The following ZNF93 variants were observed in gnomAD, a reference collection of about 807,000 sequenced individuals.
ZNF93 encodes zinc finger protein 93.
In ZNF93, 29 loss-of-function variants were observed where a neutral mutation model predicts 45.0. That is an observed-to-expected ratio of 0.64 (90% CI 0.48 to 0.88). The LOEUF is 0.88. ZNF93 is among the 40% of genes least tolerant of loss of function. The probability of loss-of-function intolerance (pLI) is 0.00; values close to 1 mark genes in which losing one functional copy is unlikely to be tolerated. For missense variants in ZNF93, 578 were observed against 724.0 expected (o/e 0.80, Z 2.31); for synonymous variants, 223 against 244.6 (o/e 0.91, Z 0.82).
intron 1 of ZNF93, among the ~76,000 whole-genome samples, chr19:19,907,051 T>C (rs1367550986): frequency 6.6e-6 from 1 of 151,636 alleles, no homozygotes; most frequent in South Asian, 2.1e-4. Flanking sequence ...TTAGATTATA[T>C]ATAGATGTTT....
At position 19,933,293 on chromosome 19, in the gene ZNF93, T is replaced by G; in HGVS notation, c.338T>G (p.Leu113Ter). The G allele has an allele frequency of 6.2e-7, 1 of 1,612,012 alleles. No individual in the cohort carries two copies. Among genetic ancestry groups the G allele is most frequent in the Non-Finnish European group, 8.5e-7 (1 of 1,178,968 alleles). ...YEKRGHGNLQ[L>*]IKRCESVDEC... ...AAACGTGGACATGGAAATTTACAGT[T>G]AATAAAAAGGTGTGAAAGTGTAGAT... is the stretch of plus-strand genomic sequence containing the variant. The change falls in exon 4 of 4, where the codon TTA becomes TGA. Residue 113 changes from leucine to a stop codon, truncating the protein, a stop_gained. Transcript: ENST00000343769. LOFTEE classifies it high-confidence loss of function.
intron 3 of ZNF93, among the ~76,000 whole-genome samples, chr19:19,924,426 C>G (rs537398721): frequency 2.8e-4 from 42 of 152,166 alleles, no homozygotes; most frequent in Admixed American, 9.2e-4. Context: ...TTTTCTGTCA[C>G]ATACTTCTAG....
chr19:19,912,866 C>G (rs1223300872), intron 1 of ZNF93, among the ~76,000 whole-genome samples: 2 of 152,206 alleles, frequency 1.3e-5, no homozygotes, highest in Non-Finnish European at 2.9e-5. Flanking sequence ...CATACTCTAG[C>G]ACATAGTGCC....
intron 1 of ZNF93, among the ~76,000 whole-genome samples, chr19:19,910,811 C>T (rs551271301): frequency 2.0e-5 from 3 of 152,218 alleles, no homozygotes; most frequent in South Asian, 4.1e-4. Flanking sequence ...TGGCCTCTGC[C>T]TGGGATTTAC....
rs1385850118 is a variant in ZNF93 at position 19,933,943 on chromosome 19, A to C, written c.988A>C (p.Thr330Pro). The C allele has an allele frequency of 6.2e-7, 1 of 1,610,354 alleles. No homozygotes were observed. The highest frequency in any genetic ancestry group is 1.4e-5 in the African/African-American group (1 of 73,962). The change falls in exon 4 of 4, where the codon ACA becomes CCA. Residue 330 changes from threonine (T) to proline (P), a missense_variant. Around this residue, in one of 3 missense-constraint regions of ZNF93, gnomAD observed 446 missense variants for 547.6 expected, o/e 0.81. Coordinates refer to ENST00000343769, the MANE Select transcript of ZNF93 (RefSeq NM_031218.4). The stretch of plus-strand genomic sequence containing the variant: ...CTTTAAGTACTCCCGTATCCTTACT[A>C]CACATAAGAGAATTCATACTGGAGA... ...KAFKYSRILT[T>P]HKRIHTGEKP...
chr19:19,901,271 C>T (rs1449792239), intron 1 of ZNF93, among the ~76,000 whole-genome samples, 180 bp downstream of exon 1: 2 of 152,130 alleles, frequency 1.3e-5, no homozygotes, highest in African/African-American at 2.4e-5. Flanking sequence ...TATAGCGCAG[C>T]CCCCAGGCGT....
At chr19:19,921,655 A>C (rs1446255587) in intron 3 of ZNF93, among the ~76,000 whole-genome samples, 1 of 152,068 alleles carries the variant, frequency 6.6e-6, no homozygotes, top group Non-Finnish European at 1.5e-5. Context: ...TATTTAGGAT[A>C]GTTAGCTCTT....
At chr19:19,912,535 C>A (rs1027554837) in intron 1 of ZNF93, among the ~76,000 whole-genome samples, 3 of 147,188 alleles carry the variant, frequency 2.0e-5, no homozygotes, top group Non-Finnish European at 3.0e-5. Context: ...AAAACCAGTG[C>A]TTGCAGAGAC....
At position 19,933,361 on chromosome 19, in the gene ZNF93, T is replaced by C. The variant is rs1159316306; in HGVS notation, c.406T>C (p.Cys136Arg). ...AGGAGGTTATAATGGACTTAACCAG[T>C]GTAGTACAACTACCCAGAGCAAAGT... ...HTGGYNGLNQ[C>R]STTTQSKVFQ... is the part of the protein sequence containing the mutation. Residue 136 changes from cysteine (C) to arginine (R), a missense_variant, in exon 4 of 4, where the codon TGT becomes CGT. By Grantham distance (180) the Cys-to-Arg change is radical. Coordinates refer to ENST00000343769, the MANE Select transcript of ZNF93 (RefSeq NM_031218.4). The C allele has an allele frequency of 8.1e-6, 13 of 1,607,706 alleles. No homozygotes were observed. Among genetic ancestry groups the C allele is most frequent in the Non-Finnish European group, 1.1e-5 (13 of 1,177,636 alleles).
intron 1 of ZNF93, among the ~76,000 whole-genome samples, chr19:19,901,344 C>T (rs1030248065): frequency 6.6e-5 from 10 of 152,184 alleles, no homozygotes; most frequent in Non-Finnish European, 8.8e-5. Flanking sequence ...CAGCTGCGCA[C>T]CCGCAGAGCC....
intron 1 of ZNF93, among the ~76,000 whole-genome samples, chr19:19,904,942 A>T (rs1420397393): frequency 1.3e-5 from 2 of 151,918 alleles, no homozygotes; most frequent in Non-Finnish European, 2.9e-5. Flanking sequence ...ACCCTCAGGA[A>T]CCTCACCGTG....
At chr19:19,924,371 G>A (rs1312036826) in intron 3 of ZNF93, among the ~76,000 whole-genome samples, 2 of 151,866 alleles carry the variant, frequency 1.3e-5, no homozygotes, top group Admixed American at 6.5e-5. Context: ...GATTACAGCC[G>A]TGAGCCACCG....
intron 3 of ZNF93, chr19:19,927,050 T>G (rs1446391702): frequency 1.8e-5 from 7 of 398,182 alleles, no homozygotes; most frequent in Non-Finnish European, 3.1e-5. Flanking sequence ...TTAAAAACAT[T>G]GTTTTAAAAA....
At chr19:19,914,966 CAT>C (rs760441469) in intron 1 of ZNF93, 59 of 353,508 alleles carry the variant, frequency 1.7e-4, no homozygotes, top group Admixed American at 6.7e-4. Flanking sequence ...CCATATGAAA[CAT>C]ATTCACATCT....
intron 2 of ZNF93, 150 bp downstream of exon 2, chr19:19,915,556 A>G: frequency 8.3e-7 from 1 of 1,204,280 alleles, no homozygotes. Context: ...TCATTTAGAA[A>G]AGAATTTCTT....
At chr19:19,913,430 A>G (rs1205634636) in intron 1 of ZNF93, among the ~76,000 whole-genome samples, 2 of 152,090 alleles carry the variant, frequency 1.3e-5, no homozygotes, top group Non-Finnish European at 2.9e-5. Flanking sequence ...AATCAAGTAT[A>G]AGGGCTTTAA....
At chr19:19,915,245 G>A in intron 1 of ZNF93, 35 bp from the exon 2 acceptor site, 2 of 1,612,412 alleles carry the variant, frequency 1.2e-6, no homozygotes, top group Non-Finnish European at 1.7e-6. Flanking sequence ...TCCACCCATG[G>A]CCACTTGGTG....
chr19:19,935,146 C>G lies in ZNF93; in HGVS notation c.*328C>G, dbSNP rs2063389209. ...GGTACTCACTGAAAGCCACACTCAT[C>G]CACATCCTGATACAAGGCCCACCAT... On this transcript the variant is annotated 3_prime_UTR_variant, in exon 4 of 4. Coordinates refer to ENST00000343769, the MANE Select transcript of ZNF93 (RefSeq NM_031218.4). 1 of 275,896 alleles carries G rather than the reference C, an allele frequency of 3.6e-6. No individual in the cohort carries two copies. Among genetic ancestry groups the G allele is most frequent in the Non-Finnish European group, 6.8e-6 (1 of 147,634 alleles). The allele number at this position is 275,896 out of a possible 1,614,324, so 17.1% of individuals were successfully genotyped here.
intron 3 of ZNF93, chr19:19,932,288 C>T (rs1410895796): frequency 6.5e-6 from 1 of 154,868 alleles, no homozygotes; most frequent in Admixed American, 6.4e-5. Flanking sequence ...ATTATATTGA[C>T]ATTGTTATGC....
Sources: allele counts gnomAD v4.1 joint callset (sites outside exome capture counted in the v4.1 genomes callset), GRCh38; gene constraint gnomAD v4.1.1; regional missense constraint gnomAD v4.1.1; transcripts MANE v1.5; gene names NCBI Gene and HGNC (gene_info 2026-07-23, HGNC 2026-07-21).